Variants in NCAM2 observed in about 807,000 individuals in gnomAD.
NCAM2 encodes neural cell adhesion molecule 2.
NCAM2 carries 30 observed loss-of-function variants against 98.1 expected under a neutral mutation model. The observed-to-expected ratio is 0.31, with a 90% CI of 0.23 to 0.41. The LOEUF (loss-of-function observed/expected upper bound fraction) is 0.41, where lower values mean the gene tolerates loss of function less well. Ranked by LOEUF, NCAM2 falls within the 10% of genes least tolerant of loss-of-function variation. NCAM2 has a pLI of 1.00. For synonymous variants in NCAM2, 368 were observed against 342.4 expected, an observed-to-expected ratio of 1.07 and a Z score of -0.83; for missense variants, 867 against 1,005.8, an observed-to-expected ratio of 0.86 and a Z score of 1.87.
chr21:21,130,009 T>C, intron 1 of NCAM2, among the ~76,000 whole-genome samples: 1 of 152,186 alleles, frequency 6.6e-6, no homozygotes, highest in East Asian at 1.9e-4. Context: ...ACTCATGTTC[T>C]GGGAAGAACT....
At chr21:21,053,964 C>T (rs1601219913) in intron 1 of NCAM2, among the ~76,000 whole-genome samples, 2 of 150,218 alleles carry the variant, frequency 1.3e-5, no homozygotes, top group East Asian at 3.9e-4. Flanking sequence ...TTCAACTCTA[C>T]ATCTTTATAT....
intron 5 of NCAM2, among the ~76,000 whole-genome samples, chr21:21,308,296 G>GT (rs1228160941): frequency 6.6e-6 from 1 of 151,906 alleles, no homozygotes; most frequent in Non-Finnish European, 1.5e-5. Context: ...AGCATTTCTT[G>GT]TAGTGCACTT....
intron 1 of NCAM2, among the ~76,000 whole-genome samples, chr21:21,019,958 A>G (rs1262588199): frequency 6.6e-6 from 1 of 152,176 alleles, no homozygotes; most frequent in African/African-American, 2.4e-5. Flanking sequence ...GTAATTACTC[A>G]GTTTATTAAC....
At chr21:21,260,415 T>G (rs1371355605) in intron 1 of NCAM2, among the ~76,000 whole-genome samples, 1 of 151,204 alleles carries the variant, frequency 6.6e-6, no homozygotes, top group Admixed American at 6.6e-5. Context: ...CTATCTAAAG[T>G]CAACACAAAA....
At chr21:21,000,022 TC>T (rs1359124228) in intron 1 of NCAM2, among the ~76,000 whole-genome samples, 2 of 152,208 alleles carry the variant, frequency 1.3e-5, no homozygotes, top group African/African-American at 4.8e-5. Flanking sequence ...CATTTTCCCT[TC>T]CTAACATAGA....
At chr21:21,042,966 T>A (rs79182065) in intron 1 of NCAM2, among the ~76,000 whole-genome samples, 1,681 of 152,350 alleles carry the variant, frequency 0.011, 45 homozygotes, top group African/African-American at 0.039. Context: ...TTCAATTTTG[T>A]TGTAACATGT....
intron 1 of NCAM2, among the ~76,000 whole-genome samples, chr21:21,156,282 A>G (rs1187053821): frequency 6.6e-6 from 1 of 152,054 alleles, no homozygotes; most frequent in East Asian, 1.9e-4. Context: ...CACATTATTC[A>G]TCTTTGAACT....
At chr21:21,222,405 T>A (rs2070205940) in intron 1 of NCAM2, among the ~76,000 whole-genome samples, 1 of 152,168 alleles carries the variant, frequency 6.6e-6, no homozygotes, top group Non-Finnish European at 1.5e-5. Context: ...GAAAACTTTC[T>A]GGAAAGGATT....
intron 8 of NCAM2, among the ~76,000 whole-genome samples, chr21:21,365,611 C>A (rs2075766171): frequency 6.6e-6 from 1 of 151,874 alleles, no homozygotes; most frequent in Non-Finnish European, 1.5e-5. Context: ...CGATGACATA[C>A]ATGATGGTAG....
chr21:21,011,227 T>C (rs1259501323), intron 1 of NCAM2, among the ~76,000 whole-genome samples: 5 of 152,046 alleles, frequency 3.3e-5, no homozygotes, highest in Non-Finnish European at 7.4e-5. Context: ...TGAACTATTA[T>C]TTTAGAGATG....
At chr21:21,004,088 G>T (rs889506202) in intron 1 of NCAM2, among the ~76,000 whole-genome samples, 2 of 152,072 alleles carry the variant, frequency 1.3e-5, no homozygotes. Context: ...AAGTAAAAAG[G>T]TTAGTTACTA....
chr21:21,162,757 TA>T (rs1016477189), intron 1 of NCAM2, among the ~76,000 whole-genome samples: 1 of 151,824 alleles, frequency 6.6e-6, no homozygotes, highest in Non-Finnish European at 1.5e-5. Context: ...CAAAGACCTG[TA>T]AAAAAAACCT....
chr21:21,475,731 A>G lies in NCAM2; in HGVS notation c.1897-1560A>G, dbSNP rs189693383. 3.5e-3 allele frequency among the ~76,000 whole-genome samples: 529 copies of G among 152,294 alleles called. 1 individual carries two copies. Among genetic ancestry groups the G allele is most frequent in the Non-Finnish European group, 5.4e-3 (368 of 68,006 alleles). On this transcript the variant is annotated intron_variant, in intron 14 of 17. Transcript: ENST00000400546. The stretch of plus-strand genomic sequence containing the variant: ...ATCAAGGCAAGTGCCTCTTGTGTAT[A>G]TTGATAACTTGTAGTGCTTGTTCAT...
intron 8 of NCAM2, among the ~76,000 whole-genome samples, chr21:21,370,317 A>G (rs1413805936): frequency 6.6e-6 from 1 of 151,866 alleles, no homozygotes; most frequent in East Asian, 1.9e-4. Flanking sequence ...TTTTATATGT[A>G]AAAGTAAACG....
intron 16 of NCAM2, among the ~76,000 whole-genome samples, chr21:21,524,233 C>T (rs1026954281): frequency 1.3e-5 from 2 of 151,850 alleles, no homozygotes; most frequent in African/African-American, 2.4e-5. Context: ...GGTTTCTAAA[C>T]GGGTATTACC....
At chr21:21,527,309 C>T (rs2146405621) in intron 16 of NCAM2, among the ~76,000 whole-genome samples, 1 of 152,070 alleles carries the variant, frequency 6.6e-6, no homozygotes, top group South Asian at 2.1e-4. Context: ...GATGAGGTTT[C>T]ACCATGTTAG....
chr21:21,069,353 A>C (rs1326784275), intron 1 of NCAM2, among the ~76,000 whole-genome samples: 1 of 152,238 alleles, frequency 6.6e-6, no homozygotes, highest in African/African-American at 2.4e-5. Flanking sequence ...AAAATTGCAG[A>C]AGAGACCCTT....
chr21:21,294,112 C>A (rs531442863), intron 5 of NCAM2, among the ~76,000 whole-genome samples: 2 of 151,462 alleles, frequency 1.3e-5, no homozygotes, highest in Non-Finnish European at 3.0e-5. Flanking sequence ...TTTATCATTA[C>A]TTTTAATGAC....
chr21:21,463,613 A>T, intron 12 of NCAM2: 1 of 152,024 alleles, frequency 6.6e-6, no homozygotes, highest in African/African-American at 2.4e-5. Context: ...CTGATGTGAA[A>T]CTCGGTCAGT....
Sources: allele counts gnomAD v4.1 joint callset (sites outside exome capture counted in the v4.1 genomes callset), GRCh38; gene constraint gnomAD v4.1.1; transcripts MANE v1.5; gene names NCBI Gene and HGNC (gene_info 2026-07-23, HGNC 2026-07-21).